Variants in WDR70 observed in about 807,000 individuals in gnomAD.
WDR70 encodes the protein WD repeat domain 70.
WDR70 carries 53 observed loss-of-function variants against 88.6 expected under a neutral mutation model. The ratio of observed to expected loss-of-function variants is 0.60; its 90% confidence interval spans 0.48 to 0.75. WDR70 has a LOEUF of 0.75. Among genes scored for constraint, WDR70 ranks in the 30% least tolerant of loss-of-function variants. The pLI, the probability that WDR70 is intolerant of heterozygous loss-of-function variation, is 0.00. For synonymous variants in WDR70, 280 were observed against 270.0 expected (o/e 1.04, Z -0.36); for missense variants, 610 against 823.2 (o/e 0.74, Z 3.17).
At chr5:37,674,485 T>A (rs1746136179) in intron 10 of WDR70, among the ~76,000 whole-genome samples, 1 of 152,162 alleles carries the variant, frequency 6.6e-6, no homozygotes, top group African/African-American at 2.4e-5. Flanking sequence ...ATGCGGTGTT[T>A]CATTTTTTGT....
chr5:37,730,097 C>G (rs1336669371), intron 17 of WDR70, among the ~76,000 whole-genome samples: 1 of 152,066 alleles, frequency 6.6e-6, no homozygotes, highest in Non-Finnish European at 1.5e-5. Context: ...GTAATTACAA[C>G]ATATGAACAC....
intron 9 of WDR70, among the ~76,000 whole-genome samples, chr5:37,600,644 G>GCA (rs937804288): frequency 6.6e-6 from 1 of 151,742 alleles, no homozygotes; most frequent in Non-Finnish European, 1.5e-5. Context: ...TGCCCAATAA[G>GCA]CACACGAAAA....
intron 10 of WDR70, among the ~76,000 whole-genome samples, chr5:37,638,943 C>T (rs1745039803): frequency 6.6e-6 from 1 of 152,098 alleles, no homozygotes; most frequent in Admixed American, 6.6e-5. Context: ...TACCATGGTA[C>T]TTAAAAGGAA....
intron 9 of WDR70, among the ~76,000 whole-genome samples, chr5:37,553,005 C>G (rs546066554): frequency 6.6e-6 from 1 of 152,306 alleles, no homozygotes; most frequent in Non-Finnish European, 1.5e-5. Context: ...TTAGCTCAGA[C>G]TCGCCTGAGA....
chr5:37,469,410 T>G (rs927800674), intron 7 of WDR70, among the ~76,000 whole-genome samples: 14 of 152,208 alleles, frequency 9.2e-5, no homozygotes, highest in African/African-American at 3.4e-4. Flanking sequence ...ATATTCTGTT[T>G]CTTTGGAACT....
At chr5:37,492,406 G>T (rs1740094074) in intron 8 of WDR70, among the ~76,000 whole-genome samples, 1 of 152,186 alleles carries the variant, frequency 6.6e-6, no homozygotes, top group Admixed American at 6.5e-5. Flanking sequence ...TGAATTCTAA[G>T]ATGGCTCCTA....
chr5:37,634,621 AC>A (rs1744908637), intron 10 of WDR70, among the ~76,000 whole-genome samples: 1 of 152,194 alleles, frequency 6.6e-6, no homozygotes, highest in Non-Finnish European at 1.5e-5. Context: ...GTTCAGAGAT[AC>A]TGAGTGAGTC....
intron 9 of WDR70, among the ~76,000 whole-genome samples, chr5:37,582,155 G>GA (rs906151710): frequency 2.4e-4 from 36 of 152,144 alleles, no homozygotes; most frequent in Non-Finnish European, 8.8e-5. Context: ...TTAAGTTATA[G>GA]AATGGGTCAT....
intron 10 of WDR70, among the ~76,000 whole-genome samples, chr5:37,679,126 C>A (rs1295815739): frequency 6.6e-6 from 1 of 152,038 alleles, no homozygotes; most frequent in African/African-American, 2.4e-5. Flanking sequence ...TCTAGTTATA[C>A]ATTCGTCTAA....
chr5:37,518,987 G>C (rs1307944986), intron 9 of WDR70, among the ~76,000 whole-genome samples: 1 of 152,168 alleles, frequency 6.6e-6, no homozygotes, highest in Non-Finnish European at 1.5e-5. Flanking sequence ...ACATGTTTCA[G>C]AGAGCACGGG....
intron 17 of WDR70, among the ~76,000 whole-genome samples, chr5:37,748,006 A>C (rs1338252841): frequency 6.6e-6 from 1 of 152,240 alleles, no homozygotes; most frequent in Admixed American, 6.5e-5. Flanking sequence ...AACAAATGGA[A>C]AAACATTCAA....
intron 10 of WDR70, among the ~76,000 whole-genome samples, chr5:37,675,261 G>C (rs1746166784): frequency 6.6e-6 from 1 of 152,064 alleles, no homozygotes; most frequent in Non-Finnish European, 1.5e-5. Flanking sequence ...GTCAATTTTT[G>C]CTTTTGTTGC....
chr5:37,505,401 T>C (rs1740529450), intron 8 of WDR70, among the ~76,000 whole-genome samples: 1 of 152,090 alleles, frequency 6.6e-6, no homozygotes. Flanking sequence ...TGGTATTGAG[T>C]GGAACTTGCC....
chr5:37,676,031 T>C (rs1196241539), intron 10 of WDR70, among the ~76,000 whole-genome samples: 1 of 148,064 alleles, frequency 6.8e-6, no homozygotes, highest in East Asian at 2.0e-4. Flanking sequence ...TTTGGCTCTC[T>C]GTTTGTCTGT....
intron 7 of WDR70, among the ~76,000 whole-genome samples, chr5:37,465,651 G>A (rs947169390): frequency 4.2e-4 from 53 of 127,556 alleles, no homozygotes; most frequent in African/African-American, 1.4e-3. Context: ...AAGACAAATT[G>A]TCATGAGTTT....
In WDR70 at chr5:37,396,417, T is replaced by G. The variant is rs913263389; in HGVS notation, c.339T>G (p.Ser113=). ...AAAGTGAACAGAGTTCTGACTCTTC[T>G]GATGATGAGTTAATTGGCCCTCCTT... ...SSESEQSSDS[S]DDELIGPPLP... Residue 113 remains serine, a synonymous_variant, in exon 5 of 18, where the codon TCT becomes TCG. Coordinates refer to ENST00000265107, the MANE Select transcript of WDR70 (RefSeq NM_018034.4). The G allele has an allele frequency of 1.2e-6, 2 of 1,613,676 alleles. No homozygotes were observed. Among genetic ancestry groups the G allele is most frequent in the Non-Finnish European group, 1.7e-6 (2 of 1,179,878 alleles).
At chr5:37,739,591 A>G (rs79559914) in intron 17 of WDR70, among the ~76,000 whole-genome samples, 1,541 of 151,652 alleles carry the variant, frequency 0.01, 25 homozygotes, top group African/African-American at 0.035. Context: ...TTTAGTGTCT[A>G]TTTGATTTGT....
chr5:37,519,878 T>A (rs897253170), intron 9 of WDR70, among the ~76,000 whole-genome samples: 2 of 152,232 alleles, frequency 1.3e-5, no homozygotes, highest in African/African-American at 4.8e-5. Flanking sequence ...GTTTTACTAA[T>A]TTACATTTTC....
chr5:37,513,410 A>G lies in WDR70; in HGVS notation c.841-3104A>G, dbSNP rs533706619. Among the ~76,000 whole-genome samples the G allele has an allele frequency of 1.6e-4, 25 of 152,232 alleles. No homozygotes were observed. In the East Asian group the frequency reaches 3.7e-3, roughly 22 times the overall value. On this transcript the variant is annotated intron_variant, in intron 8 of 17. Coordinates refer to ENST00000265107, the MANE Select transcript of WDR70 (RefSeq NM_018034.4). ...CCTGATATGGAGCAGAGCTGAACAT[A>G]TTGGAGGAACTGAAAGGAAGGAAGT...
Sources: allele counts gnomAD v4.1 joint callset (sites outside exome capture counted in the v4.1 genomes callset), GRCh38; gene constraint gnomAD v4.1.1; transcripts MANE v1.5; gene names NCBI Gene and HGNC (gene_info 2026-07-23, HGNC 2026-07-21).